The following PCDHGA11 variants were observed in gnomAD, a reference collection of about 807,000 sequenced individuals.
PCDHGA11 encodes protocadherin gamma-A11.
A neutral mutation model predicts 60.4 loss-of-function variants in PCDHGA11; 39 were observed. The observed-to-expected ratio is 0.65, with a 90% confidence interval of 0.50 to 0.84. The LOEUF (loss-of-function observed/expected upper bound fraction) is 0.84, where lower values mean the gene tolerates loss of function less well. PCDHGA11 is among the 40% of genes least tolerant of loss of function. PCDHGA11 has a pLI of 0.00. For missense variants in PCDHGA11, 1,165 were observed against 1,197.7 expected (o/e 0.97, Z 0.40); for synonymous variants, 533 against 510.3 (o/e 1.04, Z -0.60).
chr5:141,440,618 C>G (rs1287745652), intron 1 of PCDHGA11: 3 of 152,196 alleles, frequency 2.0e-5, no homozygotes, highest in South Asian at 2.1e-4. Context: ...GCAGAAGATC[C>G]TGATGTTGAG....
At chr5:141,435,665 A>C (rs1029846055) in intron 1 of PCDHGA11, among the ~76,000 whole-genome samples, 2 of 152,206 alleles carry the variant, frequency 1.3e-5, no homozygotes, top group African/African-American at 4.8e-5. Flanking sequence ...CACAGATTCC[A>C]AGTGTTTTCT....
rs376101780 is a variant in PCDHGA11, at chr5:141,485,901, A to G, written c.2434-8906A>G. 3 of 1,614,026 alleles carry G rather than the reference A, an allele frequency of 1.9e-6. No homozygotes were observed. In the African/African-American group the frequency reaches 4.0e-5, roughly 22 times the overall value. Reference sequence around the variant, plus strand: ...GTAAACGACAACGCCCCAGCCTTCCAGCAATCCAGCTACAGGATTAGTGTG... The same window carrying G: ...GTAAACGACAACGCCCCAGCCTTCCGGCAATCCAGCTACAGGATTAGTGTG... On this transcript the variant is annotated intron_variant, in intron 1 of 3. Coordinates refer to ENST00000398587, the MANE Select transcript of PCDHGA11 (RefSeq NM_018914.3). This position sits in a 1 kb window ranked among gnomAD's most constrained non-coding sequence, Gnocchi z 5.7.
intron 1 of PCDHGA11, among the ~76,000 whole-genome samples, chr5:141,446,727 A>G (rs546345866): frequency 6.6e-6 from 1 of 152,258 alleles, no homozygotes; most frequent in African/African-American, 2.4e-5. Context: ...TCGGCCTCCC[A>G]AAGTGTGGGG....
rs770419617 is a variant in PCDHGA11, at chr5:141,421,523, C to T, written c.296C>T (p.Thr99Met). The T allele has an allele frequency of 2.5e-6, 4 of 1,614,034 alleles. No homozygotes were observed. In the Admixed American group the frequency reaches 5.0e-5, roughly 20 times the overall value. ...GRIDREELCE[T>M]VSSCFLNMEL... ...ATAGACCGGGAGGAGCTCTGTGAGA[C>T]GGTGTCCTCCTGTTTTTTAAATATG... Residue 99 changes from threonine (T) to methionine (M), a missense_variant, in exon 1 of 4, where the codon ACG becomes ATG. Transcript: ENST00000398587.
intron 2 of PCDHGA11, among the ~76,000 whole-genome samples, chr5:141,504,506 A>T (rs575756846): frequency 1.3e-5 from 2 of 152,096 alleles, no homozygotes; most frequent in African/African-American, 4.8e-5. Context: ...GTCTGAGTGG[A>T]TCTCCTCTGA....
Position 141,486,601 on chromosome 5 carries a change from C to A in PCDHGA11, c.2434-8206C>A, listed in dbSNP as rs770685748. On this transcript the variant is annotated intron_variant, in intron 1 of 3. Transcript: ENST00000398587. The surrounding 1 kb of genome is among the most constrained non-coding windows in gnomAD (Gnocchi z 5.0). ...ATCGCCCAGGGGACCTGCTTTGCTCCCTTGCAGCCTCTGACCCAGACTCTG... is the reference window on the plus strand; with the variant it reads ...ATCGCCCAGGGGACCTGCTTTGCTCACTTGCAGCCTCTGACCCAGACTCTG... The A allele has an allele frequency of 1.9e-6, 3 of 1,613,558 alleles. No homozygotes were observed. The highest frequency in any genetic ancestry group is 3.3e-5 in the Admixed American group (2 of 60,026).
At position 141,501,290 on chromosome 5, in the gene PCDHGA11, TACACACACACAC is replaced by T. The variant is rs55762287; in HGVS notation, c.2493-4070_2493-4059del. Among the ~76,000 whole-genome samples, 15 of 136,248 alleles carry T rather than the reference TACACACACACAC, an allele frequency of 1.1e-4. No homozygotes were observed. The South Asian group carries it at 1.2e-3, about 11-fold the overall frequency. The allele number at this position is 136,248 out of a possible 152,430, so 89.4% of individuals were successfully genotyped here. A position where few individuals can be genotyped will look rare whatever the true frequency, so the allele number is the denominator to read the frequency against. ...GTCCAGTCTATGGGATATTCCCTTA[TACACACACACAC>T]ACACACACACACACACACACACACA... On this transcript the variant is annotated intron_variant, in intron 2 of 3. Transcript: ENST00000398587.
At chr5:141,510,134 C>T (rs1273076437) in intron 3 of PCDHGA11, among the ~76,000 whole-genome samples, 1 of 152,064 alleles carries the variant, frequency 6.6e-6, no homozygotes, top group East Asian at 1.9e-4. Context: ...ATTAGCTGGG[C>T]TAGTGGTGTG....
intron 3 of PCDHGA11, among the ~76,000 whole-genome samples, chr5:141,510,092 T>C (rs973542449): frequency 6.6e-6 from 1 of 152,138 alleles, no homozygotes; most frequent in South Asian, 2.1e-4. Flanking sequence ...TGGCACACAG[T>C]AGGTGCTCAA....
At chr5:141,448,069 T>C (rs1184496754) in intron 1 of PCDHGA11, among the ~76,000 whole-genome samples, 1 of 151,202 alleles carries the variant, frequency 6.6e-6, no homozygotes, top group Non-Finnish European at 1.5e-5. Context: ...CTGGGCAACA[T>C]GAACGAAATG....
intron 1 of PCDHGA11, among the ~76,000 whole-genome samples, chr5:141,460,577 TGTG>T (rs2098992364): frequency 6.6e-6 from 1 of 152,094 alleles, no homozygotes; most frequent in African/African-American, 2.4e-5. Context: ...CATATGTAGG[TGTG>T]GGTTTTTTCT....
At position 141,487,667 on chromosome 5, in the gene PCDHGA11, ATATGGCTAGGCCATG is replaced by A; in HGVS notation, c.2434-7138_2434-7124del. 1.9e-6 allele frequency: 3 copies of A among 1,612,782 alleles called. No individual in the cohort carries two copies. In the South Asian group the frequency reaches 3.3e-5, roughly 18 times the overall value. ...GCTTGAGGGTTATTCTGATCCAGGC[ATATGGCTAGGCCATG>A]TCCTAGAGAGTACTGGCCTCTCAGT... On this transcript the variant is annotated intron_variant, in intron 1 of 3. Transcript: ENST00000398587. The surrounding 1 kb of genome is among the most constrained non-coding windows in gnomAD (Gnocchi z 5.0).
At chr5:141,454,311 T>C (rs755771201) in intron 1 of PCDHGA11, among the ~76,000 whole-genome samples, 1 of 152,216 alleles carries the variant, frequency 6.6e-6, no homozygotes, top group Non-Finnish European at 1.5e-5. Context: ...TTTCAAAGCA[T>C]TGAAACCTCC....
chr5:141,484,960 C>A, intron 1 of PCDHGA11: 1 of 577,142 alleles, frequency 1.7e-6, no homozygotes, highest in Non-Finnish European at 3.1e-6. Flanking sequence ...TTGGCTGAGC[C>A]CGGGAGCCGC....
intron 1 of PCDHGA11, among the ~76,000 whole-genome samples, chr5:141,475,511 A>T (rs1240718716): frequency 6.6e-6 from 1 of 152,240 alleles, no homozygotes; most frequent in African/African-American, 2.4e-5. Context: ...TAATGTCTCC[A>T]CGGAAATGCT....
rs200411745 is a variant in PCDHGA11, at chr5:141,490,281, C to T, written c.2434-4526C>T. The T allele has an allele frequency of 1.2e-6, 2 of 1,614,070 alleles. No homozygotes were observed. The highest frequency in any genetic ancestry group is 1.3e-5 in the African/African-American group (1 of 74,924). On this transcript the variant is annotated intron_variant, in intron 1 of 3. Transcript: ENST00000398587. This position sits in a 1 kb window ranked among gnomAD's most constrained non-coding sequence, Gnocchi z 5.4. The stretch of plus-strand genomic sequence containing the variant: ...ATGTGGGGGATGTCAATGACAATGC[C>T]CCAGAGGTGCTATTGGCCTCTTTGG...
At position 141,494,824 on chromosome 5, in the gene PCDHGA11, G is replaced by C; in HGVS notation, c.2451G>C (p.Thr817=). 6.2e-7 allele frequency: 1 copy of C among 1,614,042 alleles called. No individual in the cohort carries two copies. Among genetic ancestry groups the C allele is most frequent in the East Asian group, 2.2e-5 (1 of 44,866 alleles). The change falls in exon 2 of 4, where the codon ACG becomes ACC. Residue 817 remains threonine, a synonymous_variant. Transcript: ENST00000398587. The part of the protein sequence containing the change: ...PTSNQQAPPN[T]DWRFSQAQRP... ...CTCCACAGCAAGCCCCGCCCAACAC[G>C]GACTGGCGTTTCTCTCAGGCCCAGA...
chr5:141,457,481 G>T (rs990111430), intron 1 of PCDHGA11, among the ~76,000 whole-genome samples: 1 of 152,212 alleles, frequency 6.6e-6, no homozygotes, highest in African/African-American at 2.4e-5. Context: ...CAGGGCCAGG[G>T]TTAGTCTAAA....
Position 141,431,872 on chromosome 5 carries a change from A to G in PCDHGA11, c.2433+8212A>G, listed in dbSNP as rs2097425104. 5 of 1,614,222 alleles carry G rather than the reference A, an allele frequency of 3.1e-6. No individual in the cohort carries two copies. The highest frequency in any genetic ancestry group is 4.2e-6 in the Non-Finnish European group (5 of 1,180,002). ...GGACATTAATTGCCCTTTTAAATGT[A>G]AATGACCAAGATTCTGAGGAAAACG... On this transcript the variant is annotated intron_variant, in intron 1 of 3. Transcript: ENST00000398587. The surrounding 1 kb of genome is among the most constrained non-coding windows in gnomAD (Gnocchi z 4.8).
Sources: gnomAD v4.1 joint callset for allele counts (sites outside exome capture counted in the v4.1 genomes callset) on GRCh38, gnomAD v4.1.1 for gene constraint, Gnocchi (gnomAD v3.1) non-coding constraint, MANE v1.5 for transcripts, NCBI Gene and HGNC (gene_info 2026-07-23, HGNC 2026-07-21) for gene names.